Variants in GALNT17 observed in about 807,000 individuals in gnomAD.
GALNT17 encodes polypeptide N-acetylgalactosaminyltransferase 17, also known as UDP-GalNAc:polypeptide N-acetylgalactosaminyltransferase-like 3.
GALNT17 carries 29 observed loss-of-function variants against 63.7 expected under a neutral mutation model. The ratio of observed to expected loss-of-function variants is 0.46; its 90% confidence interval spans 0.34 to 0.62. GALNT17 has a LOEUF of 0.62. Among genes scored for constraint, GALNT17 ranks in the 20% least tolerant of loss-of-function variants. The probability of loss-of-function intolerance (pLI) is 0.01; values close to 1 mark genes in which losing one functional copy is unlikely to be tolerated. For missense variants in GALNT17, 603 were observed against 799.6 expected, an observed-to-expected ratio of 0.75 and a Z score of 2.97; for synonymous variants, 305 against 318.3, an observed-to-expected ratio of 0.96 and a Z score of 0.45.
At chr7:71,223,862 G>C (rs1380815997) in intron 1 of GALNT17, among the ~76,000 whole-genome samples, 1 of 152,050 alleles carries the variant, frequency 6.6e-6, no homozygotes, top group Non-Finnish European at 1.5e-5. Flanking sequence ...ATGGCCTTCA[G>C]TTCCATCCAT....
intron 4 of GALNT17, among the ~76,000 whole-genome samples, chr7:71,420,624 G>A (rs891505947): frequency 6.6e-6 from 1 of 152,200 alleles, no homozygotes; most frequent in African/African-American, 2.4e-5. Flanking sequence ...GAGACCCCAT[G>A]TTCTGAACTC....
chr7:71,144,942 A>C (rs577598851), intron 1 of GALNT17, among the ~76,000 whole-genome samples: 29 of 152,136 alleles, frequency 1.9e-4, no homozygotes, highest in South Asian at 1.5e-3. Context: ...GTTAGCCAGG[A>C]TGGTCTTGAT....
In GALNT17 at chr7:71,442,342, G is replaced by A. The variant is rs552307851; in HGVS notation, c.962+21237G>A. On this transcript the variant is annotated intron_variant, in intron 5 of 10. Coordinates refer to ENST00000333538, the MANE Select transcript of GALNT17 (RefSeq NM_022479.3). ...CTCCTGAGTAGCTGGGACTACGGGC[G>A]CCCGCCACCATGCCCGGCTAATTTT... Among the ~76,000 whole-genome samples, 85 of 152,062 alleles carry A rather than the reference G, an allele frequency of 5.6e-4. 1 individual carries two copies. The highest frequency in any genetic ancestry group is 3.7e-4 in the Non-Finnish European group (25 of 67,976).
chr7:71,205,230 T>C (rs1789250623), intron 1 of GALNT17, among the ~76,000 whole-genome samples: 1 of 150,300 alleles, frequency 6.7e-6, no homozygotes, highest in South Asian at 2.1e-4. Flanking sequence ...CTTTGCTCAT[T>C]GCAACCCCCA....
intron 5 of GALNT17, among the ~76,000 whole-genome samples, chr7:71,452,275 G>A (rs1787276251): frequency 6.6e-6 from 1 of 151,914 alleles, no homozygotes; most frequent in South Asian, 2.1e-4. Context: ...GCCAGGTGTG[G>A]TGGCTTACGC....
intron 6 of GALNT17, among the ~76,000 whole-genome samples, chr7:71,641,367 T>C (rs747932698): frequency 2.3e-4 from 35 of 152,190 alleles, no homozygotes; most frequent in Non-Finnish European, 4.6e-4. Flanking sequence ...AGGACCTACC[T>C]AATGGGCTTT....
At chr7:71,162,302 T>C (rs1788363637) in intron 1 of GALNT17, among the ~76,000 whole-genome samples, 1 of 152,028 alleles carries the variant, frequency 6.6e-6, no homozygotes, top group Non-Finnish European at 1.5e-5. Flanking sequence ...TGTTTTATAT[T>C]TTTCCTTTGC....
In GALNT17 at chr7:71,382,650, G is replaced by A. The variant is rs1792868527; in HGVS notation, c.423-5585G>A. Among the ~76,000 whole-genome samples, 4 of 152,202 alleles carry A rather than the reference G, an allele frequency of 2.6e-5. No homozygotes were observed. In the South Asian group the frequency reaches 8.3e-4, roughly 32 times the overall value. ...TGTGGGGTCAGAGGCTCTTGAAGTG[G>A]TGACAGGAAGGAGAGGTTGCAGTGA... On this transcript the variant is annotated intron_variant, in intron 2 of 10. Transcript: ENST00000333538.
intron 6 of GALNT17, among the ~76,000 whole-genome samples, chr7:71,642,691 T>C (rs918338482): frequency 1.3e-5 from 2 of 151,970 alleles, no homozygotes; most frequent in Non-Finnish European, 2.9e-5. Flanking sequence ...CAAAATTAGC[T>C]GGGTGTGGTG....
Position 71,709,488 on chromosome 7 carries a change from C to T in GALNT17, c.1501-1273C>T, listed in dbSNP as rs185081234. ...TTTTGAAAGGTTGTAGTAATCTACC[C>T]TCCCTCCAGCCCAATAGTGAGAGGG... On this transcript the variant is annotated intron_variant, in intron 9 of 10. Transcript: ENST00000333538. Among the ~76,000 whole-genome samples the T allele has an allele frequency of 2.3e-4, 35 of 152,144 alleles. No homozygotes were observed. The East Asian group carries it at 6.0e-3, about 26-fold the overall frequency.
rs184378760 is a variant in GALNT17, at chr7:71,385,177, C to T, written c.423-3058C>T. 2.6e-3 allele frequency among the ~76,000 whole-genome samples: 392 copies of T among 152,148 alleles called. 2 individuals are homozygous for T. The highest frequency in any genetic ancestry group is 9.1e-3 in the African/African-American group (379 of 41,528). On this transcript the variant is annotated intron_variant, in intron 2 of 10. Transcript: ENST00000333538. ...GGCCTGCAGATCAGCCACACAGTTT[C>T]GCCCATGTGAGCCAAGCGATACCGA... is the stretch of plus-strand genomic sequence containing the variant.
intron 6 of GALNT17, among the ~76,000 whole-genome samples, chr7:71,609,828 C>T (rs1790098963): frequency 6.6e-6 from 1 of 151,698 alleles, no homozygotes. Flanking sequence ...TAATAACTAT[C>T]TAATTGTGCT....
At chr7:71,552,014 ATTTAT>A (rs1185366508) in intron 5 of GALNT17, among the ~76,000 whole-genome samples, 24 of 2,144 alleles carry the variant, frequency 0.011, no homozygotes, top group Non-Finnish European at 0.029. Context: ...TGCTCTTTTT[ATTTAT>A]TTATTTATTT....
chr7:71,585,288 T>A (rs1789698217), intron 6 of GALNT17, among the ~76,000 whole-genome samples: 1 of 152,220 alleles, frequency 6.6e-6, no homozygotes, highest in Non-Finnish European at 1.5e-5. Context: ...CCTGATTGAT[T>A]CATTATAAAG....
At chr7:71,361,930 G>A (rs1792409609) in intron 2 of GALNT17, among the ~76,000 whole-genome samples, 1 of 151,962 alleles carries the variant, frequency 6.6e-6, no homozygotes, top group Non-Finnish European at 1.5e-5. Flanking sequence ...GGAGGAGGCA[G>A]GTTCTTTTCC....
chr7:71,393,988 C>CT (rs1478193209), intron 3 of GALNT17, among the ~76,000 whole-genome samples: 1 of 139,074 alleles, frequency 7.2e-6, no homozygotes. Context: ...TCTGCTGATT[C>CT]TCCCCGATCT....
chr7:71,689,584 G>A (rs1022553909), intron 9 of GALNT17, among the ~76,000 whole-genome samples: 1 of 152,222 alleles, frequency 6.6e-6, no homozygotes, highest in African/African-American at 2.4e-5. Flanking sequence ...GGTAGCAGAG[G>A]TTGGCTTGAG....
In GALNT17 at chr7:71,689,177, A is replaced by G. The variant is rs541570660; in HGVS notation, c.1500+11871A>G. On this transcript the variant is annotated intron_variant, in intron 9 of 10. Transcript: ENST00000333538. ...GGGCCATTCTCCTATCTCTCTCCCA[A>G]TTCTCGGGCCTTTCTATTCCCCGAG... Among the ~76,000 whole-genome samples, 10 of 152,152 alleles carry G rather than the reference A, an allele frequency of 6.6e-5. No homozygotes were observed. In the South Asian group the frequency reaches 1.2e-3, roughly 19 times the overall value.
intron 1 of GALNT17, among the ~76,000 whole-genome samples, chr7:71,240,905 C>G (rs1037171613): frequency 2.6e-5 from 4 of 152,122 alleles, no homozygotes; most frequent in African/African-American, 9.7e-5. Flanking sequence ...ACCTCGTGAT[C>G]CGCCTGCCTC....
Sources: allele counts gnomAD v4.1 joint callset (sites outside exome capture counted in the v4.1 genomes callset), GRCh38; gene constraint gnomAD v4.1.1; transcripts MANE v1.5; gene names NCBI Gene and HGNC (gene_info 2026-07-23, HGNC 2026-07-21).